Variants in SLC19A3 observed in about 807,000 individuals in gnomAD.
SLC19A3 encodes the protein thiamine transporter 2.
Under a neutral mutation model 40.2 loss-of-function variants are expected in SLC19A3, and 31 were observed. The ratio of observed to expected loss-of-function variants is 0.77; its 90% CI spans 0.58 to 1.04. SLC19A3 has a LOEUF of 1.04. Ranked by LOEUF, SLC19A3 falls within the 50% of genes least tolerant of loss-of-function variation. SLC19A3 has a pLI of 0.00. For synonymous variants in SLC19A3, 212 were observed against 227.5 expected (o/e 0.93, Z 0.61); for missense variants, 592 against 596.7 (o/e 0.99, Z 0.08).
chr2:227,714,029 G>A (rs1226097867), intron 1 of SLC19A3, among the ~76,000 whole-genome samples: 1 of 152,122 alleles, frequency 6.6e-6, no homozygotes, highest in African/African-American at 2.4e-5. Context: ...AATTTTCTGG[G>A]TTGATGAAAT....
chr2:227,699,734 T>C (rs1695603747), intron 2 of SLC19A3, among the ~76,000 whole-genome samples, 170 bp from the exon 3 acceptor site: 2 of 152,314 alleles, frequency 1.3e-5, no homozygotes, highest in East Asian at 1.9e-4. Flanking sequence ...TCCTTTCCCA[T>C]TGGTAAAAAC....
At chr2:227,704,473 A>G (rs1416005336) in intron 1 of SLC19A3, among the ~76,000 whole-genome samples, 3 of 152,204 alleles carry the variant, frequency 2.0e-5, no homozygotes, top group Non-Finnish European at 4.4e-5. Context: ...TGGAGGTGGT[A>G]TGGTTGTCAC....
At chr2:227,689,444 G>C (rs535394766) in intron 4 of SLC19A3, among the ~76,000 whole-genome samples, 1 of 152,236 alleles carries the variant, frequency 6.6e-6, no homozygotes, top group East Asian at 1.9e-4. Context: ...TAGAACCAGG[G>C]AGTGGCATGA....
intron 4 of SLC19A3, among the ~76,000 whole-genome samples, chr2:227,689,331 A>C (rs1157945701): frequency 6.6e-6 from 1 of 152,174 alleles, no homozygotes; most frequent in Admixed American, 6.5e-5. Flanking sequence ...AAACTCCCAA[A>C]GGTTAAGGAT....
chr2:227,710,909 T>C (rs1196689161), intron 1 of SLC19A3, among the ~76,000 whole-genome samples: 1 of 152,200 alleles, frequency 6.6e-6, no homozygotes, highest in Admixed American at 6.5e-5. Flanking sequence ...AAAACAAAAA[T>C]ATTTGCTTTT....
chr2:227,714,465 C>T, intron 1 of SLC19A3: 1 of 985,194 alleles, frequency 1.0e-6, no homozygotes, highest in African/African-American at 1.7e-5. Flanking sequence ...TTTTCTGTGC[C>T]CCCAGTTTCT....
chr2:227,700,735 C>G (rs889200156), intron 2 of SLC19A3, among the ~76,000 whole-genome samples: 1 of 152,122 alleles, frequency 6.6e-6, no homozygotes, highest in African/African-American at 2.4e-5. Flanking sequence ...TCCCAACCTT[C>G]CCCCTGCTCC....
chr2:227,699,183 C>T lies in SLC19A3; in HGVS notation c.532G>A (p.Ala178Thr), dbSNP rs766950682. 3 of 1,614,126 alleles carry T rather than the reference C, an allele frequency of 1.9e-6. No individual in the cohort carries two copies. The highest frequency in any genetic ancestry group is 2.5e-6 in the Non-Finnish European group (3 of 1,180,026). Reference sequence around the variant, plus strand: ...AAAAGGAAAGCCACGGAGACAGAGGCCAAGGATATGACGTTGAGGTAAAAG... The same window carrying T: ...AAAAGGAAAGCCACGGAGACAGAGGTCAAGGATATGACGTTGAGGTAAAAG... Reference protein sequence around the residue: ...SYFYLNVISLASVSVAFLFSL... With the variant: ...SYFYLNVISLTSVSVAFLFSL... The change falls in exon 3 of 6, where the codon GCC becomes ACC. Residue 178 changes from alanine (A) to threonine (T), a missense_variant. Transcript: ENST00000644224.
intron 4 of SLC19A3, among the ~76,000 whole-genome samples, chr2:227,689,947 A>C (rs1695157356): frequency 6.6e-6 from 1 of 152,230 alleles, no homozygotes; most frequent in African/African-American, 2.4e-5. Flanking sequence ...GCTTAAAATA[A>C]TGGGTTATAA....
chr2:227,716,076 G>T (rs1257015084), intron 1 of SLC19A3, among the ~76,000 whole-genome samples: 1 of 151,638 alleles, frequency 6.6e-6, no homozygotes, highest in East Asian at 1.9e-4. Context: ...CTGAGAGAAG[G>T]TGGTGTTGTA....
rs116984644 is a variant in SLC19A3 at position 227,700,533 on chromosome 2, A to T, written c.151-969T>A. Among the ~76,000 whole-genome samples, 510 of 152,240 alleles carry T rather than the reference A, an allele frequency of 3.3e-3. 18 individuals carry two copies. The East Asian group carries it at 0.08, about 24-fold the overall frequency. ...AGCCTGGGCAACAGAGCAAGACTCC[A>T]TCTGAACAACAACAACAAAAAGAAT... On this transcript the variant is annotated intron_variant, in intron 2 of 5. Coordinates refer to ENST00000644224, the MANE Select transcript of SLC19A3 (RefSeq NM_025243.4).
At chr2:227,692,801 AACTT>A (rs1159487171) in intron 4 of SLC19A3, among the ~76,000 whole-genome samples, 1 of 152,180 alleles carries the variant, frequency 6.6e-6, no homozygotes, top group East Asian at 1.9e-4. Flanking sequence ...CATTTAGGAA[AACTT>A]AAAGACTCTT....
intron 2 of SLC19A3, chr2:227,701,013 T>A: frequency 1.5e-6 from 2 of 1,304,306 alleles, no homozygotes; most frequent in Non-Finnish European, 2.0e-6. Flanking sequence ...TGTTAACTGG[T>A]CCACAGTGGC....
At chr2:227,709,461 G>T (rs1354944665) in intron 1 of SLC19A3, among the ~76,000 whole-genome samples, 1 of 152,160 alleles carries the variant, frequency 6.6e-6, no homozygotes, top group East Asian at 1.9e-4. Flanking sequence ...TCCAGCCTGG[G>T]TGACAGAGCG....
chr2:227,691,658 T>C (rs983194964), intron 4 of SLC19A3, among the ~76,000 whole-genome samples: 4 of 151,944 alleles, frequency 2.6e-5, no homozygotes, highest in African/African-American at 4.8e-5. Context: ...AATAACTTAA[T>C]GATGCGTCAT....
rs1329792181 is a variant in SLC19A3 at position 227,688,319 on chromosome 2, C to T, written c.1173-12G>A. The T allele has an allele frequency of 6.2e-7, 1 of 1,612,028 alleles. No homozygotes were observed. The highest frequency in any genetic ancestry group is 8.5e-7 in the Non-Finnish European group (1 of 1,178,350). ...CTGCAATCTGAAATCTATCATTAAA[C>T]ATAAATAAGCATTTTAACTATAATA... is the stretch of plus-strand genomic sequence containing the variant. On this transcript the variant is annotated splice_polypyrimidine_tract_variant and intron_variant, in intron 4 of 5. Transcript: ENST00000644224.
At chr2:227,716,358 G>A (rs1202482396) in intron 1 of SLC19A3, among the ~76,000 whole-genome samples, 1 of 151,854 alleles carries the variant, frequency 6.6e-6, no homozygotes, top group Admixed American at 6.6e-5. Context: ...CATCAGTTTC[G>A]TCACTAATAA....
intron 1 of SLC19A3, among the ~76,000 whole-genome samples, chr2:227,717,302 T>C (rs17372552): frequency 0.15 from 22,287 of 152,158 alleles, 2,151 homozygotes; most frequent in South Asian, 0.33. Context: ...GCGCCTGGCC[T>C]GAGAGTACTT....
At chr2:227,712,774 C>T (rs1359395848) in intron 1 of SLC19A3, among the ~76,000 whole-genome samples, 2 of 150,986 alleles carry the variant, frequency 1.3e-5, no homozygotes, top group African/African-American at 4.9e-5. Context: ...CGTGAATGAA[C>T]ATAAAAAGAA....
Sources: allele counts gnomAD v4.1 joint callset (sites outside exome capture counted in the v4.1 genomes callset), GRCh38; gene constraint gnomAD v4.1.1; transcripts MANE v1.5; gene names NCBI Gene and HGNC (gene_info 2026-07-23, HGNC 2026-07-21).